Variants in CACNA1E observed in about 807,000 individuals in gnomAD.
The protein encoded by CACNA1E is voltage-dependent R-type calcium channel subunit alpha-1E.
Under a neutral mutation model 259.2 loss-of-function variants are expected in CACNA1E, and 40 were observed. The ratio of observed to expected loss-of-function variants is 0.15; its 90% CI spans 0.12 to 0.20. The LOEUF (loss-of-function observed/expected upper bound fraction) is 0.20, where lower values mean the gene tolerates loss of function less well. Ranked by LOEUF, CACNA1E falls within the 10% of genes least tolerant of loss-of-function variation. CACNA1E has a pLI of 1.00. For synonymous variants in CACNA1E, 1,104 were observed against 1,138.5 expected, an observed-to-expected ratio of 0.97 and a Z score of 0.61; for missense variants, 1,874 against 3,040.1, an observed-to-expected ratio of 0.62 and a Z score of 9.02.
chr1:181,456,939 T>A (rs535149011), intron 2 of CACNA1E, among the ~76,000 whole-genome samples: 31 of 152,362 alleles, frequency 2.0e-4, no homozygotes, highest in African/African-American at 7.0e-4. Flanking sequence ...TTTTAATCTT[T>A]AAGACTGCCT....
At chr1:181,766,633 C>T (rs372909771) in intron 35 of CACNA1E, 22 bp downstream of exon 35, 170 of 1,570,068 alleles carry the variant, frequency 1.1e-4, no homozygotes, top group Non-Finnish European at 1.5e-4. Flanking sequence ...AATCAAGGGC[C>T]CGGTGGGGGA....
chr1:181,448,074 G>A (rs768036632), intron 2 of CACNA1E, among the ~76,000 whole-genome samples: 9 of 152,192 alleles, frequency 5.9e-5, no homozygotes, highest in Non-Finnish European at 1.2e-4. Context: ...GCTGATTAGC[G>A]ACCTCAATGC....
chr1:181,518,195 A>C (rs59482392), intron 3 of CACNA1E, among the ~76,000 whole-genome samples: 44,754 of 151,890 alleles, frequency 0.29, 7,901 homozygotes, highest in African/African-American at 0.49. Context: ...TGCTAGATGA[A>C]CAGATATTTA....
chr1:181,392,421 G>C (rs1055504862), intron 1 of CACNA1E, among the ~76,000 whole-genome samples: 1 of 152,130 alleles, frequency 6.6e-6, no homozygotes, highest in African/African-American at 2.4e-5. Context: ...AAGGGTTAAG[G>C]TTGCTTTTAC....
chr1:181,777,006 G>A (rs1019349253), intron 38 of CACNA1E, among the ~76,000 whole-genome samples: 2 of 152,184 alleles, frequency 1.3e-5, no homozygotes, highest in African/African-American at 4.8e-5. Flanking sequence ...GACAGAGATG[G>A]TATGGTCCTC....
chr1:181,771,721 G>T (rs1235123937), intron 36 of CACNA1E: 2 of 460,456 alleles, frequency 4.3e-6, no homozygotes, highest in Non-Finnish European at 7.7e-6. Flanking sequence ...TGGCCTGCAA[G>T]GGTTTGGGAG....
intron 3 of CACNA1E, among the ~76,000 whole-genome samples, chr1:181,539,999 G>GTC (rs1668459738): frequency 6.6e-6 from 1 of 152,194 alleles, no homozygotes; most frequent in African/African-American, 2.4e-5. Context: ...GTCCTCTTTG[G>GTC]TCTCTCTCCT....
At chr1:181,793,557 A>G in intron 44 of CACNA1E, 108 bp from the exon 45 acceptor site, 3 of 1,190,302 alleles carry the variant, frequency 2.5e-6, no homozygotes, top group Non-Finnish European at 2.4e-6. Flanking sequence ...TAAAGCTGCA[A>G]GTCTCTCTTT....
intron 6 of CACNA1E, among the ~76,000 whole-genome samples, chr1:181,618,140 T>G (rs1241836257): frequency 6.6e-6 from 1 of 152,168 alleles, no homozygotes; most frequent in Non-Finnish European, 1.5e-5. Context: ...ATGTCTGTAT[T>G]TGTATGAATA....
In CACNA1E at chr1:181,577,806, G is replaced by A; in HGVS notation, c.553G>A (p.Asp185Asn). The stretch of plus-strand genomic sequence containing the variant: ...AGGAACCCACTTCAATACTCACGTG[G>A]ACCTGAGGACCCTCCGGGCTGTGCG... ...TAGTHFNTHV[D>N]LRTLRAVRVL... Residue 185 changes from aspartate to asparagine, a missense_variant, in exon 4 of 48, where the codon GAC (aspartate) becomes AAC (asparagine). Transcript: ENST00000367573. 6.2e-7 allele frequency: 1 copy of A among 1,611,584 alleles called. No individual in the cohort carries two copies. The highest frequency in any genetic ancestry group is 2.2e-5 in the East Asian group (1 of 44,804).
intron 6 of CACNA1E, among the ~76,000 whole-genome samples, chr1:181,588,508 C>T (rs1430831122): frequency 1.3e-5 from 2 of 152,216 alleles, no homozygotes; most frequent in Non-Finnish European, 2.9e-5. Flanking sequence ...TAGCAGTCTC[C>T]ACCCTGAAGT....
chr1:181,733,795 C>T (rs1490474132), intron 21 of CACNA1E, 45 bp downstream of exon 21: 1 of 1,386,708 alleles, frequency 7.2e-7, no homozygotes, highest in Non-Finnish European at 9.6e-7. Flanking sequence ...ACTCCTATCC[C>T]ATCTGGGGCT....
intron 6 of CACNA1E, among the ~76,000 whole-genome samples, chr1:181,626,413 C>T (rs1656206141): frequency 6.6e-6 from 1 of 152,122 alleles, no homozygotes; most frequent in Non-Finnish European, 1.5e-5. Context: ...AACACTAAAG[C>T]CAGGTTAGAG....
At chr1:181,794,364 A>C (rs1661599981) in intron 45 of CACNA1E, among the ~76,000 whole-genome samples, 1 of 152,234 alleles carries the variant, frequency 6.6e-6, no homozygotes, top group African/African-American at 2.4e-5. Flanking sequence ...GGAGAGTGAT[A>C]CATTCTTAGC....
At chr1:181,593,999 T>C (rs969206134) in intron 6 of CACNA1E, among the ~76,000 whole-genome samples, 1 of 152,204 alleles carries the variant, frequency 6.6e-6, no homozygotes, top group African/African-American at 2.4e-5. Flanking sequence ...TTTGTTCAAC[T>C]TGAAACTGGA....
At chr1:181,482,812 C>G (rs1663397659), upstream of CACNA1E, among the ~76,000 whole-genome samples, 1 of 152,236 alleles carries the variant, frequency 6.6e-6, no homozygotes, top group Non-Finnish European at 1.5e-5. Context: ...CCCGCCGGTG[C>G]TCGCCGCCCG....
chr1:181,632,074 C>A (rs1297235368), intron 6 of CACNA1E, among the ~76,000 whole-genome samples: 1 of 149,958 alleles, frequency 6.7e-6, no homozygotes, highest in Non-Finnish European at 1.5e-5. Context: ...AGACTTCAGA[C>A]TGAACCAGAT....
intron 1 of CACNA1E, among the ~76,000 whole-genome samples, chr1:181,408,042 C>T (rs1000496299): frequency 5.9e-5 from 9 of 152,168 alleles, no homozygotes; most frequent in Middle Eastern, 3.2e-3. Context: ...CCACTCACCT[C>T]GTAGTGTTCA....
At position 181,758,910 on chromosome 1, in the gene CACNA1E, C is replaced by CT. The variant is rs756359289; in HGVS notation, c.4605+43dup. 1.8e-6 allele frequency: 2 copies of CT among 1,086,772 alleles called. No individual in the cohort carries two copies. Among genetic ancestry groups the CT allele is most frequent in the African/African-American group, 3.1e-5 (2 of 64,002 alleles). 67.3% of individuals were successfully genotyped at this position (1,086,772 alleles called of 1,614,324 possible). On this transcript the variant is annotated intron_variant, in intron 32 of 47. Transcript: ENST00000367573. The surrounding 1 kb of genome is among the most constrained non-coding windows in gnomAD (Gnocchi z 4.2). ...TTCCCAGCACTGGGCTTGTCTCTTT[C>CT]TGTTGGGTGCCTTCCCAGTCTTTGT...
Sources: gnomAD v4.1 joint callset for allele counts (sites outside exome capture counted in the v4.1 genomes callset) on GRCh38, gnomAD v4.1.1 for gene constraint, Gnocchi (gnomAD v3.1) non-coding constraint, MANE v1.5 for transcripts, NCBI Gene and HGNC (gene_info 2026-07-23, HGNC 2026-07-21) for gene names.